Variants in TRAF3IP1 observed in about 807,000 individuals in gnomAD.
The protein encoded by TRAF3IP1 is TRAF3-interacting protein 1.
In TRAF3IP1, 53 loss-of-function variants were observed where a neutral mutation model predicts 89.9. The ratio of observed to expected loss-of-function variants is 0.59; its 90% CI spans 0.47 to 0.74. The LOEUF (loss-of-function observed/expected upper bound fraction) is 0.74, where lower values mean the gene tolerates loss of function less well. TRAF3IP1 is among the 30% of genes least tolerant of loss of function. The probability of loss-of-function intolerance (pLI) is 0.00; values close to 1 mark genes in which losing one functional copy is unlikely to be tolerated. For missense variants in TRAF3IP1, 806 were observed against 866.1 expected (o/e 0.93, Z 0.87); for synonymous variants, 311 against 322.1 (o/e 0.97, Z 0.37).
chr2:238,372,105 C>A (rs1700133774), intron 15 of TRAF3IP1, among the ~76,000 whole-genome samples: 1 of 152,056 alleles, frequency 6.6e-6, no homozygotes, highest in Admixed American at 6.6e-5. Context: ...AAGTAACATT[C>A]ATTTAAAAGT....
intron 15 of TRAF3IP1, among the ~76,000 whole-genome samples, chr2:238,396,644 G>T (rs1701237023): frequency 6.6e-6 from 1 of 152,124 alleles, no homozygotes; most frequent in African/African-American, 2.4e-5. Context: ...AGAGATGTCT[G>T]TGATCAAAGC....
chr2:238,362,840 C>A (rs923125596), intron 15 of TRAF3IP1, among the ~76,000 whole-genome samples: 112 of 152,286 alleles, frequency 7.4e-4, no homozygotes, highest in Admixed American at 7.3e-3. Context: ...GGCTAGAGGC[C>A]GAGGGTTCCT....
chr2:238,344,447 G>T, intron 8 of TRAF3IP1, 50 bp from the exon 9 acceptor site: 1 of 1,435,644 alleles, frequency 7.0e-7, no homozygotes, highest in Non-Finnish European at 9.8e-7. Flanking sequence ...CTGATCACCG[G>T]CCCTTTGGTG....
At chr2:238,365,308 C>T (rs56330821) in intron 15 of TRAF3IP1, among the ~76,000 whole-genome samples, 9,031 of 152,066 alleles carry the variant, frequency 0.059, 380 homozygotes, top group Non-Finnish European at 0.081. Flanking sequence ...ATTTTTGGTC[C>T]TAGTATTATT....
At chr2:238,350,448 A>G (rs773921409) in intron 12 of TRAF3IP1, among the ~76,000 whole-genome samples, 131 of 152,062 alleles carry the variant, frequency 8.6e-4, no homozygotes, top group Non-Finnish European at 1.7e-3. Flanking sequence ...GAGCCGTAAG[A>G]GGGTCTGGGG....
intron 11 of TRAF3IP1, 31 bp from the exon 12 acceptor site, chr2:238,349,294 C>G (rs756390594): frequency 1.2e-6 from 2 of 1,606,004 alleles, no homozygotes; most frequent in Admixed American, 1.7e-5. Context: ...CTTTCATACT[C>G]CTTTTTTGGT....
chr2:238,340,866 GAC>G (rs1698619068), intron 8 of TRAF3IP1, among the ~76,000 whole-genome samples: 1 of 149,176 alleles, frequency 6.7e-6, no homozygotes, highest in African/African-American at 2.5e-5. Context: ...GAGACAGAGA[GAC>G]AGAGACAGAG....
chr2:238,361,720 T>C (rs1699669738), intron 15 of TRAF3IP1, among the ~76,000 whole-genome samples: 1 of 152,182 alleles, frequency 6.6e-6, no homozygotes, highest in South Asian at 2.1e-4. Flanking sequence ...ACTCTCCAGG[T>C]TGTCTTGATT....
At chr2:238,330,220 C>G (rs908537681) in intron 5 of TRAF3IP1, among the ~76,000 whole-genome samples, 5 of 152,162 alleles carry the variant, frequency 3.3e-5, no homozygotes, top group Non-Finnish European at 7.4e-5. Context: ...GGGCTGCTTT[C>G]AAGGGCTTTT....
intron 8 of TRAF3IP1, among the ~76,000 whole-genome samples, chr2:238,340,304 A>G (rs191330641): frequency 1.7e-4 from 26 of 152,196 alleles, no homozygotes; most frequent in Non-Finnish European, 3.5e-4. Context: ...GTGCACTGCT[A>G]TTGGGTCTGG....
At chr2:238,393,138 T>C (rs1246926370) in intron 15 of TRAF3IP1, among the ~76,000 whole-genome samples, 1 of 152,170 alleles carries the variant, frequency 6.6e-6, no homozygotes, top group Non-Finnish European at 1.5e-5. Flanking sequence ...TGTTCCAGAG[T>C]GGCCATATCT....
chr2:238,353,242 C>T, intron 14 of TRAF3IP1, 33 bp downstream of exon 14: 3 of 1,612,526 alleles, frequency 1.9e-6, no homozygotes, highest in African/African-American at 2.7e-5. Context: ...CATGTATGTC[C>T]ATGTGTGTGT....
chr2:238,389,407 A>G (rs920513093), intron 15 of TRAF3IP1, among the ~76,000 whole-genome samples: 82 of 150,878 alleles, frequency 5.4e-4, no homozygotes, highest in African/African-American at 1.9e-3. Context: ...CTCAGTGTCT[A>G]TTATTTCCAT....
At position 238,352,874 on chromosome 2, in the gene TRAF3IP1, A is replaced by G. The variant is rs771132134; in HGVS notation, c.1499A>G (p.Asn500Ser). ...TCAAATGTGATTACAGAGTCACACAATTCTGACAATGAAGAGGATGATCAA... is the reference window on the plus strand; with the variant it reads ...TCAAATGTGATTACAGAGTCACACAGTTCTGACAATGAAGAGGATGATCAA... ...TVSNVITESH[N>S]SDNEEDDQFV... Residue 500 changes from asparagine to serine, a missense_variant, in exon 13 of 17, where the codon AAT (asparagine) becomes AGT (serine). Asn to Ser is a conservative substitution (Grantham distance 46, BLOSUM62 1). Around this residue, in one of 3 missense-constraint regions of TRAF3IP1, gnomAD observed 732 missense variants for 780.5 expected, o/e 0.94. Transcript: ENST00000373327. The G allele has an allele frequency of 6.2e-6, 10 of 1,613,750 alleles. No individual in the cohort carries two copies. The highest frequency in any genetic ancestry group is 1.7e-4 in the Middle Eastern group (1 of 6,058).
chr2:238,370,522 C>T (rs1356643962), intron 15 of TRAF3IP1, among the ~76,000 whole-genome samples: 1 of 152,138 alleles, frequency 6.6e-6, no homozygotes, highest in Non-Finnish European at 1.5e-5. Context: ...TGTGGGTGCC[C>T]TCTCCCTCCT....
chr2:238,362,959 A>G (rs542319280), intron 15 of TRAF3IP1, among the ~76,000 whole-genome samples: 32 of 152,350 alleles, frequency 2.1e-4, no homozygotes, highest in African/African-American at 7.0e-4. Flanking sequence ...ATGTTTCTCT[A>G]GGAAATTGTT....
intron 15 of TRAF3IP1, among the ~76,000 whole-genome samples, chr2:238,368,426 G>A (rs1005345909): frequency 3.9e-5 from 6 of 152,068 alleles, no homozygotes; most frequent in Admixed American, 6.6e-5. Context: ...TGAAATCTCC[G>A]TACGGTTTCT....
At chr2:238,381,395 T>C (rs368133472) in intron 15 of TRAF3IP1, among the ~76,000 whole-genome samples, 2 of 152,174 alleles carry the variant, frequency 1.3e-5, no homozygotes, top group Non-Finnish European at 2.9e-5. Context: ...GAGGGGGCCA[T>C]AGGCATGGGT....
At chr2:238,333,452 G>T (rs535920467) in intron 6 of TRAF3IP1, among the ~76,000 whole-genome samples, 3 of 152,336 alleles carry the variant, frequency 2.0e-5, no homozygotes, top group Admixed American at 6.5e-5. Flanking sequence ...TCTTCAGGAG[G>T]TTGCAGGGAG....
Sources: allele counts gnomAD v4.1 joint callset (sites outside exome capture counted in the v4.1 genomes callset), GRCh38; gene constraint gnomAD v4.1.1; regional missense constraint gnomAD v4.1.1; transcripts MANE v1.5; gene names NCBI Gene and HGNC (gene_info 2026-07-23, HGNC 2026-07-21).